Variants in GPR39 observed in about 807,000 individuals in gnomAD.
GPR39 encodes the protein zinc sensing receptor.
In GPR39, 23 loss-of-function variants were observed where a neutral mutation model predicts 18.4. The ratio of observed to expected loss-of-function variants is 1.25; its 90% CI spans 0.90 to 1.77. GPR39 has a LOEUF of 1.77. Ranked by LOEUF, GPR39 falls within the 40% of genes most tolerant of loss-of-function variation. The pLI, the probability that GPR39 is intolerant of heterozygous loss-of-function variation, is 0.00. For missense variants in GPR39, 647 were observed against 602.4 expected (o/e 1.07, Z -0.78); for synonymous variants, 280 against 257.9 (o/e 1.09, Z -0.82).
intron 1 of GPR39, among the ~76,000 whole-genome samples, chr2:132,491,623 TG>T (rs1681462484): frequency 6.6e-6 from 1 of 151,710 alleles, no homozygotes; most frequent in Non-Finnish European, 1.5e-5. Context: ...AAGCAGAAAG[TG>T]GCAAGATCAG....
intron 1 of GPR39, among the ~76,000 whole-genome samples, chr2:132,438,288 G>T (rs1257182882): frequency 6.6e-6 from 1 of 152,070 alleles, no homozygotes. Context: ...TAAGTTGTTG[G>T]GGTTTTGTTG....
At chr2:132,562,484 C>G (rs1680271451) in intron 1 of GPR39, among the ~76,000 whole-genome samples, 1 of 152,150 alleles carries the variant, frequency 6.6e-6, no homozygotes, top group Admixed American at 6.5e-5. Flanking sequence ...CTCAGGATTT[C>G]TTACGGTTCT....
chr2:132,528,813 A>G (rs1419361440), intron 1 of GPR39, among the ~76,000 whole-genome samples: 1 of 152,200 alleles, frequency 6.6e-6, no homozygotes, highest in African/African-American at 2.4e-5. Context: ...GAAGTTTTTT[A>G]TCAGCTTAAG....
chr2:132,619,948 A>C (rs1362648829), intron 1 of GPR39, among the ~76,000 whole-genome samples: 1 of 152,062 alleles, frequency 6.6e-6, no homozygotes, highest in Non-Finnish European at 1.5e-5. Flanking sequence ...TCTCTGAATG[A>C]GGCCTGCTCA....
chr2:132,509,964 G>A (rs181300377), intron 1 of GPR39, among the ~76,000 whole-genome samples: 155 of 152,248 alleles, frequency 1.0e-3, no homozygotes, highest in Admixed American at 1.8e-3. Flanking sequence ...TTTGCCATGG[G>A]TGCAGATGGC....
intron 1 of GPR39, among the ~76,000 whole-genome samples, chr2:132,477,847 T>C (rs1166141179): frequency 1.3e-5 from 2 of 152,256 alleles, no homozygotes; most frequent in Non-Finnish European, 2.9e-5. Context: ...CTCCTTTGTC[T>C]CACAAAGAAT....
chr2:132,571,690 T>C (rs550765775), intron 1 of GPR39, among the ~76,000 whole-genome samples: 10 of 152,230 alleles, frequency 6.6e-5, no homozygotes, highest in Admixed American at 2.0e-4. Context: ...GGGTGCACCA[T>C]CTGGGGGTCA....
chr2:132,609,453 T>C (rs530172987), intron 1 of GPR39, among the ~76,000 whole-genome samples: 13 of 152,354 alleles, frequency 8.5e-5, no homozygotes, highest in Admixed American at 5.2e-4. Context: ...AAATCACTTA[T>C]ACAAAGTTGC....
At chr2:132,428,037 G>C (rs1254035633) in intron 1 of GPR39, among the ~76,000 whole-genome samples, 1 of 150,758 alleles carries the variant, frequency 6.6e-6, no homozygotes, top group Non-Finnish European at 1.5e-5. Flanking sequence ...GTTTACCCTT[G>C]ATAGGGGTGA....
chr2:132,455,786 C>T (rs534390147), intron 1 of GPR39, among the ~76,000 whole-genome samples: 13 of 150,932 alleles, frequency 8.6e-5, no homozygotes, highest in South Asian at 2.1e-4. Flanking sequence ...TGTAGTTGTG[C>T]GGTTTTGAGT....
At chr2:132,641,174 T>A (rs1336123110) in intron 1 of GPR39, among the ~76,000 whole-genome samples, 2 of 152,204 alleles carry the variant, frequency 1.3e-5, no homozygotes, top group African/African-American at 4.8e-5. Context: ...AAGTTTAGAA[T>A]GAGAAATGCA....
intron 1 of GPR39, among the ~76,000 whole-genome samples, chr2:132,510,077 A>C (rs997517614): frequency 2.6e-5 from 4 of 152,232 alleles, no homozygotes; most frequent in Non-Finnish European, 4.4e-5. Context: ...AGCCATTGGC[A>C]TGGATCAAAT....
chr2:132,594,129 T>TGC (rs1023594158), intron 1 of GPR39, among the ~76,000 whole-genome samples: 41 of 152,242 alleles, frequency 2.7e-4, no homozygotes, highest in African/African-American at 9.9e-4. Context: ...CCTTCTGCCT[T>TGC]GCACTACCTT....
intron 1 of GPR39, among the ~76,000 whole-genome samples, chr2:132,456,533 G>C (rs915495369): frequency 6.6e-6 from 1 of 152,136 alleles, no homozygotes. Flanking sequence ...GATGTTTGCT[G>C]TTTATTTTGC....
intron 1 of GPR39, among the ~76,000 whole-genome samples, chr2:132,563,394 G>C (rs1425541779): frequency 6.6e-6 from 1 of 152,170 alleles, no homozygotes; most frequent in Admixed American, 6.5e-5. Flanking sequence ...GCCAGCCTGG[G>C]AAACATAGTG....
chr2:132,441,274 A>AG (rs980028361), intron 1 of GPR39, among the ~76,000 whole-genome samples: 33 of 152,330 alleles, frequency 2.2e-4, no homozygotes, highest in African/African-American at 7.9e-4. Flanking sequence ...TGGTCAGGGC[A>AG]GACAGTTCCC....
At position 132,646,231 on chromosome 2, in the gene GPR39, G is replaced by A; in HGVS notation, c.*625G>A. The A allele has an allele frequency of 6.3e-7, 1 of 1,592,196 alleles. No individual in the cohort carries two copies. The highest frequency in any genetic ancestry group is 8.6e-7 in the Non-Finnish European group (1 of 1,166,992). ...AGCAGAAGGACTGGTACCCGGCAGA[G>A]GCGATGAGACAGGCCGCTGATGATG... On this transcript the variant is annotated 3_prime_UTR_variant, in exon 2 of 2. Coordinates refer to ENST00000329321, the MANE Select transcript of GPR39 (RefSeq NM_001508.3).
rs139283584 is a variant in GPR39 at position 132,421,999 on chromosome 2, G to T, written c.856+4101G>T. Among the ~76,000 whole-genome samples, 408 of 152,184 alleles carry T rather than the reference G, an allele frequency of 2.7e-3. 1 individual carries two copies. The highest frequency in any genetic ancestry group is 9.4e-3 in the African/African-American group (392 of 41,520). ...GACTTGAAAGTGAAAATTATGAAAA[G>T]AAATTTATTTGTATGTTACAAATAT... is the stretch of plus-strand genomic sequence containing the variant. On this transcript the variant is annotated intron_variant, in intron 1 of 1. Transcript: ENST00000329321.
At chr2:132,564,228 C>T (rs1310459890) in intron 1 of GPR39, among the ~76,000 whole-genome samples, 2 of 152,168 alleles carry the variant, frequency 1.3e-5, no homozygotes, top group Admixed American at 6.5e-5. Context: ...TTAGTTTACA[C>T]ATTAAACCCT....
Sources: allele counts gnomAD v4.1 joint callset (sites outside exome capture counted in the v4.1 genomes callset), GRCh38; gene constraint gnomAD v4.1.1; transcripts MANE v1.5; gene names NCBI Gene and HGNC (gene_info 2026-07-23, HGNC 2026-07-21).